Variants in CADM2 observed in about 807,000 individuals in gnomAD.
The protein encoded by CADM2 is immunoglobulin superfamily member 4D.
CADM2 carries 12 observed loss-of-function variants against 49.8 expected under a neutral mutation model. That is an observed-to-expected ratio of 0.24 (90% confidence interval 0.15 to 0.39). CADM2 has a LOEUF of 0.39. Among genes scored for constraint, CADM2 ranks in the 10% least tolerant of loss-of-function variants. The probability of loss-of-function intolerance (pLI) is 1.00; values close to 1 mark genes in which losing one functional copy is unlikely to be tolerated. For missense variants in CADM2, 378 were observed against 492.3 expected, an observed-to-expected ratio of 0.77 and a Z score of 2.20; for synonymous variants, 214 against 175.4, an observed-to-expected ratio of 1.22 and a Z score of -1.74.
intron 1 of CADM2, among the ~76,000 whole-genome samples, chr3:85,384,655 T>C (rs1419311333): frequency 1.3e-5 from 2 of 149,972 alleles, no homozygotes; most frequent in African/African-American, 5.0e-5. Context: ...CTCTGTGTAA[T>C]ATTTTGTCAA....
chr3:85,921,766 C>G (rs1719151853), intron 6 of CADM2, among the ~76,000 whole-genome samples: 1 of 151,928 alleles, frequency 6.6e-6, no homozygotes, highest in South Asian at 2.1e-4. Flanking sequence ...CTCTCTCTCT[C>G]TCTCTCTCGT....
rs546127934 is a variant in CADM2, at chr3:84,978,955, A to G, written c.61+19287A>G. Reference sequence around the variant, plus strand: ...TGTGTAAATGGAAAGTACAAAAGATAGGGCATCGAGAATTAAAGTTCTGAT... The same window carrying G: ...TGTGTAAATGGAAAGTACAAAAGATGGGGCATCGAGAATTAAAGTTCTGAT... On this transcript the variant is annotated intron_variant, in intron 1 of 9. Transcript: ENST00000383699. 7.4e-4 allele frequency among the ~76,000 whole-genome samples: 113 copies of G among 152,244 alleles called. 1 individual carries two copies. The South Asian group carries it at 9.9e-3, about 13-fold the overall frequency.
At chr3:85,366,769 A>C (rs2032818197) in intron 1 of CADM2, among the ~76,000 whole-genome samples, 1 of 152,126 alleles carries the variant, frequency 6.6e-6, no homozygotes, top group Admixed American at 6.5e-5. Context: ...ATGACATATA[A>C]TTTTTAATTA....
At chr3:84,959,908 C>A (rs537625644) in intron 1 of CADM2, among the ~76,000 whole-genome samples, 1 of 152,206 alleles carries the variant, frequency 6.6e-6, no homozygotes, top group East Asian at 1.9e-4. Context: ...CTTTTGCCTT[C>A]TCATTCACCT....
intron 1 of CADM2, among the ~76,000 whole-genome samples, chr3:85,133,312 G>T (rs570904853): frequency 1.3e-5 from 2 of 152,190 alleles, no homozygotes; most frequent in Non-Finnish European, 2.9e-5. Context: ...ACATCCTGCT[G>T]ATTGGTAGAG....
At chr3:85,751,819 G>T (rs2068872652) in intron 2 of CADM2, among the ~76,000 whole-genome samples, 1 of 152,106 alleles carries the variant, frequency 6.6e-6, no homozygotes, top group Admixed American at 6.6e-5. Context: ...TTTATTTTAT[G>T]TTTGTAAAGA....
At chr3:85,408,010 C>CAAAAAAAAAAAAAAA (rs372349246) in intron 1 of CADM2, among the ~76,000 whole-genome samples, 40 of 56,150 alleles carry the variant, frequency 7.1e-4, no homozygotes, top group East Asian at 1.5e-3. Context: ...AAAACAAAAC[C>CAAAAAAAAAAAAAAA]AAAAAAAAAA....
chr3:85,276,482 C>T (rs889017872), intron 1 of CADM2, among the ~76,000 whole-genome samples: 2 of 151,302 alleles, frequency 1.3e-5, no homozygotes, highest in African/African-American at 4.8e-5. Context: ...ATCTTTGACT[C>T]AGTAACTTCT....
chr3:86,008,028 A>G (rs1054662673), intron 8 of CADM2, among the ~76,000 whole-genome samples: 1 of 152,194 alleles, frequency 6.6e-6, no homozygotes, highest in Non-Finnish European at 1.5e-5. Flanking sequence ...TAACCAGTTC[A>G]TAATTTGGGA....
intron 2 of CADM2, among the ~76,000 whole-genome samples, chr3:85,761,490 C>A (rs2069379609): frequency 6.7e-6 from 1 of 149,504 alleles, no homozygotes. Context: ...AACTGTCTTA[C>A]CTCAGCCTCC....
chr3:85,969,144 C>A (rs1020073272), intron 8 of CADM2, among the ~76,000 whole-genome samples: 1 of 151,544 alleles, frequency 6.6e-6, no homozygotes, highest in East Asian at 2.0e-4. Flanking sequence ...AATATATAAA[C>A]GTTTTAAATG....
At chr3:86,035,160 C>T (rs903398032) in intron 8 of CADM2, among the ~76,000 whole-genome samples, 2 of 152,040 alleles carry the variant, frequency 1.3e-5, no homozygotes, top group Admixed American at 1.3e-4. Flanking sequence ...TTTTCTGTCA[C>T]GTCAGAACCA....
At chr3:85,683,059 T>C (rs1400452056) in intron 1 of CADM2, among the ~76,000 whole-genome samples, 1 of 152,072 alleles carries the variant, frequency 6.6e-6, no homozygotes, top group Non-Finnish European at 1.5e-5. Context: ...TTTATTATTC[T>C]GGTGTCACTA....
At chr3:85,840,127 A>G (rs932141936) in intron 3 of CADM2, among the ~76,000 whole-genome samples, 1 of 151,882 alleles carries the variant, frequency 6.6e-6, no homozygotes, top group African/African-American at 2.4e-5. Flanking sequence ...TAGTTCAATA[A>G]ATGTTATCAA....
chr3:85,543,071 T>G (rs2061580974), intron 1 of CADM2, among the ~76,000 whole-genome samples: 1 of 152,080 alleles, frequency 6.6e-6, no homozygotes, highest in Non-Finnish European at 1.5e-5. Context: ...TTGTACACAT[T>G]TTTCTCCATA....
chr3:85,914,338 G>A (rs2108486575), intron 6 of CADM2, among the ~76,000 whole-genome samples: 1 of 152,024 alleles, frequency 6.6e-6, no homozygotes, highest in Non-Finnish European at 1.5e-5. Context: ...TGTGATGATA[G>A]GCTAGAGAAT....
chr3:85,453,652 C>A (rs6794581), intron 1 of CADM2, among the ~76,000 whole-genome samples: 7,264 of 151,848 alleles, frequency 0.048, 575 homozygotes, highest in African/African-American at 0.16. Flanking sequence ...TACGTGGATT[C>A]AAAAATAATG....
chr3:85,854,471 C>A (rs1022904764), intron 3 of CADM2, among the ~76,000 whole-genome samples: 9 of 152,128 alleles, frequency 5.9e-5, no homozygotes, highest in Non-Finnish European at 1.2e-4. Context: ...GAATTCATGT[C>A]CTTTGCAGGG....
chr3:85,887,302 C>T (rs1416200418), intron 5 of CADM2, among the ~76,000 whole-genome samples: 1 of 152,020 alleles, frequency 6.6e-6, no homozygotes, highest in African/African-American at 2.4e-5. Flanking sequence ...AGGCTGGTCT[C>T]GAACTTCTGG....
Sources: gnomAD v4.1 joint callset for allele counts (sites outside exome capture counted in the v4.1 genomes callset) on GRCh38, gnomAD v4.1.1 for gene constraint, MANE v1.5 for transcripts, NCBI Gene and HGNC (gene_info 2026-07-23, HGNC 2026-07-21) for gene names.